Variants in NRXN1 observed in about 807,000 individuals in gnomAD.
NRXN1 encodes neurexin-1.
NRXN1 carries 39 observed loss-of-function variants against 150.9 expected under a neutral mutation model. The ratio of observed to expected loss-of-function variants is 0.26; its 90% CI spans 0.20 to 0.34. The LOEUF (loss-of-function observed/expected upper bound fraction) is 0.34. NRXN1 is among the 10% of genes least tolerant of loss of function. The pLI is 1.00. For synonymous variants in NRXN1, 924 were observed against 757.0 expected (o/e 1.22, Z -3.62); for missense variants, 1,815 against 1,949.9 (o/e 0.93, Z 1.30).
At chr2:50,127,003 T>G (rs1704682940) in intron 18 of NRXN1, among the ~76,000 whole-genome samples, 2 of 152,168 alleles carry the variant, frequency 1.3e-5, no homozygotes, top group African/African-American at 4.8e-5. Flanking sequence ...CTGAACAAGT[T>G]ATACGACCAT....
intron 17 of NRXN1, among the ~76,000 whole-genome samples, chr2:50,414,873 T>C (rs1276046045): frequency 6.6e-6 from 1 of 152,172 alleles, no homozygotes; most frequent in Non-Finnish European, 1.5e-5. Context: ...AGGGAGACTA[T>C]GTTGAACTTA....
intron 17 of NRXN1, among the ~76,000 whole-genome samples, chr2:50,345,700 G>A (rs1271355080): frequency 1.3e-5 from 2 of 152,224 alleles, no homozygotes; most frequent in Admixed American, 6.5e-5. Flanking sequence ...CTCTGGAGGA[G>A]AAAGCTGCCA....
intron 5 of NRXN1, among the ~76,000 whole-genome samples, chr2:50,893,916 T>C (rs1469000806): frequency 2.0e-5 from 3 of 152,162 alleles, no homozygotes; most frequent in Non-Finnish European, 4.4e-5. Context: ...TCCATGTCCC[T>C]ACAAAGGACA....
chr2:50,544,300 A>T lies in NRXN1; in HGVS notation c.1760-5664T>A, dbSNP rs533187749. Among the ~76,000 whole-genome samples the T allele has an allele frequency of 8.5e-5, 13 of 152,222 alleles. No individual in the cohort carries two copies. The South Asian group carries it at 2.7e-3, about 32-fold the overall frequency. On this transcript the variant is annotated intron_variant, in intron 9 of 22. Transcript: ENST00000401669. ...AAAATGTAAAATATATAATTATCAT[A>T]AAATAATTTTAAAAAAGAACCAACA...
chr2:50,098,789 G>C (rs1189030076), intron 18 of NRXN1, among the ~76,000 whole-genome samples: 2 of 141,614 alleles, frequency 1.4e-5, no homozygotes, highest in Non-Finnish European at 3.1e-5. Context: ...TGAGTCAAGA[G>C]GAGGGTTACT....
At chr2:51,017,575 T>C (rs1347795127) in intron 2 of NRXN1, among the ~76,000 whole-genome samples, 2 of 142,322 alleles carry the variant, frequency 1.4e-5, no homozygotes, top group Non-Finnish European at 3.0e-5. Context: ...CCGCCTGGTC[T>C]GGTACTCTTG....
chr2:50,935,933 C>T (rs1220713609), intron 2 of NRXN1, among the ~76,000 whole-genome samples: 1 of 152,062 alleles, frequency 6.6e-6, no homozygotes, highest in East Asian at 1.9e-4. Flanking sequence ...TGAAAGAATG[C>T]TGGCCTGCTC....
chr2:50,222,288 G>T (rs1408744057), intron 18 of NRXN1, among the ~76,000 whole-genome samples: 1 of 151,980 alleles, frequency 6.6e-6, no homozygotes, highest in South Asian at 2.1e-4. Flanking sequence ...TTAAAGGGGG[G>T]TTGGTTTCAC....
chr2:50,183,435 T>G (rs2152813843), intron 18 of NRXN1, among the ~76,000 whole-genome samples: 1 of 152,112 alleles, frequency 6.6e-6, no homozygotes, highest in African/African-American at 2.4e-5. Flanking sequence ...GAGTTTTTTT[T>G]TAAACCAACC....
At chr2:50,733,961 T>G (rs1179274442) in intron 5 of NRXN1, among the ~76,000 whole-genome samples, 1 of 152,176 alleles carries the variant, frequency 6.6e-6, no homozygotes, top group Non-Finnish European at 1.5e-5. Flanking sequence ...TGTTTATGTT[T>G]CATAGTTCAT....
At chr2:50,664,005 A>G (rs1054065162) in intron 5 of NRXN1, among the ~76,000 whole-genome samples, 5 of 151,968 alleles carry the variant, frequency 3.3e-5, no homozygotes, top group African/African-American at 1.2e-4. Context: ...TTCAAATACA[A>G]TCTTTATAAA....
chr2:50,465,308 A>G (rs2088701850), intron 17 of NRXN1, 134 bp downstream of exon 17: 1 of 755,846 alleles, frequency 1.3e-6, no homozygotes, highest in Non-Finnish European at 1.9e-6. Context: ...TTCCGTAGAA[A>G]CAACTGCTTC....
At chr2:50,799,083 T>C (rs1332396291) in intron 5 of NRXN1, among the ~76,000 whole-genome samples, 1 of 152,226 alleles carries the variant, frequency 6.6e-6, no homozygotes, top group African/African-American at 2.4e-5. Flanking sequence ...TATATGTGTA[T>C]CTACCATCTA....
chr2:50,752,044 T>A (rs1700652931), intron 5 of NRXN1, among the ~76,000 whole-genome samples: 1 of 152,004 alleles, frequency 6.6e-6, no homozygotes, highest in South Asian at 2.1e-4. Flanking sequence ...ACACAGAATG[T>A]ATTAAGGTGT....
intron 16 of NRXN1, among the ~76,000 whole-genome samples, chr2:50,471,169 C>A: frequency 6.6e-6 from 1 of 151,554 alleles, no homozygotes; most frequent in East Asian, 1.9e-4. Context: ...ACTATATAGT[C>A]GTGAAGTCTA....
In NRXN1 at chr2:50,158,712, C is replaced by T. The variant is rs144842864; in HGVS notation, c.3547-67218G>A. ...TTGCATGATAGCATTTATGGCATCACCAGTGGAATATTGTTTTTAATAAGT... is the reference window on the plus strand; with the variant it reads ...TTGCATGATAGCATTTATGGCATCATCAGTGGAATATTGTTTTTAATAAGT... On this transcript the variant is annotated intron_variant, in intron 18 of 22. Transcript: ENST00000401669. 5.8e-3 allele frequency among the ~76,000 whole-genome samples: 881 copies of T among 152,102 alleles called. 12 individuals are homozygous for T. Among genetic ancestry groups the T allele is most frequent in the African/African-American group, 0.02 (839 of 41,496 alleles).
At chr2:50,611,859 G>T (rs985162224) in intron 8 of NRXN1, among the ~76,000 whole-genome samples, 1 of 152,082 alleles carries the variant, frequency 6.6e-6, no homozygotes, top group South Asian at 2.1e-4. Context: ...TCCACTGAAA[G>T]CTCATATATA....
intron 5 of NRXN1, among the ~76,000 whole-genome samples, chr2:50,915,789 C>A (rs950808825): frequency 6.6e-6 from 1 of 150,896 alleles, no homozygotes; most frequent in Non-Finnish European, 1.5e-5. Context: ...CTTATTGTCA[C>A]CATTAATAAA....
At chr2:50,848,679 T>C (rs1674054526) in intron 5 of NRXN1, among the ~76,000 whole-genome samples, 1 of 152,180 alleles carries the variant, frequency 6.6e-6, no homozygotes, top group Admixed American at 6.5e-5. Flanking sequence ...AATTATTATA[T>C]TTTATGTCTC....
Sources: gnomAD v4.1 joint callset for allele counts (sites outside exome capture counted in the v4.1 genomes callset) on GRCh38, gnomAD v4.1.1 for gene constraint, MANE v1.5 for transcripts, NCBI Gene and HGNC (gene_info 2026-07-23, HGNC 2026-07-21) for gene names.